PID1: variants seen among roughly 807,000 people sequenced by gnomAD.
The protein encoded by PID1 is phosphotyrosine interaction domain containing 1.
PID1 carries 10 observed loss-of-function variants against 19.1 expected under a neutral mutation model. The observed-to-expected ratio is 0.52, with a 90% CI of 0.32 to 0.89. The LOEUF (loss-of-function observed/expected upper bound fraction) is 0.89, where lower values mean the gene tolerates loss of function less well. Among genes scored for constraint, PID1 ranks in the 40% least tolerant of loss-of-function variants. PID1 has a pLI of 0.03. For missense variants in PID1, 248 were observed against 285.3 expected, an observed-to-expected ratio of 0.87 and a Z score of 0.94; for synonymous variants, 130 against 116.0, an observed-to-expected ratio of 1.12 and a Z score of -0.78.
chr2:229,184,848 G>A (rs201639827), intron 1 of PID1, among the ~76,000 whole-genome samples: 12 of 1,158 alleles, frequency 0.01, no homozygotes, highest in Non-Finnish European at 0.017. Flanking sequence ...TATATATCCC[G>A]TATATATATC....
intron 2 of PID1, among the ~76,000 whole-genome samples, chr2:229,071,961 T>C (rs1322933820): frequency 6.6e-6 from 1 of 152,242 alleles, no homozygotes; most frequent in African/African-American, 2.4e-5. Flanking sequence ...ACAGACATAA[T>C]ATAGAAATTT....
intron 1 of PID1, among the ~76,000 whole-genome samples, chr2:229,187,495 C>A (rs6704804): frequency 0.89 from 135,109 of 151,808 alleles, 60,261 homozygotes; most frequent in African/African-American, 0.94. Context: ...GTGCAGGAAA[C>A]CCCCCCCTTA....
chr2:229,029,085 T>C (rs2106163170), intron 2 of PID1, among the ~76,000 whole-genome samples: 1 of 149,248 alleles, frequency 6.7e-6, no homozygotes, highest in East Asian at 2.0e-4. Context: ...AGGGGGAGGG[T>C]TGCGGGGGTG....
At chr2:229,260,169 A>G (rs1690417605) in intron 1 of PID1, among the ~76,000 whole-genome samples, 1 of 152,170 alleles carries the variant, frequency 6.6e-6, no homozygotes, top group South Asian at 2.1e-4. Flanking sequence ...TAAAACATGT[A>G]TACTCTGACT....
intron 2 of PID1, among the ~76,000 whole-genome samples, chr2:229,080,839 G>A (rs778870340): frequency 6.6e-6 from 1 of 152,138 alleles, no homozygotes; most frequent in Non-Finnish European, 1.5e-5. Context: ...TCTCATGCAC[G>A]AATGCCTGAT....
intron 2 of PID1, among the ~76,000 whole-genome samples, chr2:229,072,558 A>C (rs1351836171): frequency 6.6e-6 from 1 of 151,948 alleles, no homozygotes; most frequent in East Asian, 1.9e-4. Context: ...ACATCGCTCC[A>C]GCCTGGGCGA....
At chr2:229,039,614 G>A (rs1693727230) in intron 2 of PID1, among the ~76,000 whole-genome samples, 1 of 152,132 alleles carries the variant, frequency 6.6e-6, no homozygotes, top group Non-Finnish European at 1.5e-5. Context: ...GAAATCCCTA[G>A]ATTATCTCTT....
intron 2 of PID1, among the ~76,000 whole-genome samples, chr2:229,075,508 T>C (rs986240608): frequency 1.3e-5 from 2 of 152,172 alleles, no homozygotes; most frequent in African/African-American, 2.4e-5. Context: ...CAACTTTATA[T>C]GTTTGGATTT....
intron 1 of PID1, among the ~76,000 whole-genome samples, chr2:229,211,436 A>C (rs1188542450): frequency 1.3e-5 from 2 of 152,150 alleles, no homozygotes; most frequent in Non-Finnish European, 2.9e-5. Context: ...TGAATGAAAA[A>C]TCTTTATTTG....
chr2:229,130,591 G>A (rs553393721), intron 2 of PID1, among the ~76,000 whole-genome samples: 3 of 152,212 alleles, frequency 2.0e-5, no homozygotes, highest in African/African-American at 4.8e-5. Flanking sequence ...CATGGGTCTA[G>A]TTGAAGCTGG....
intron 2 of PID1, among the ~76,000 whole-genome samples, chr2:229,141,039 A>G (rs1460387734): frequency 6.6e-6 from 1 of 150,736 alleles, no homozygotes; most frequent in Non-Finnish European, 1.5e-5. Context: ...TCTTTGTCTC[A>G]GACTGACTCT....
chr2:229,200,334 G>C (rs1383642376), intron 1 of PID1, among the ~76,000 whole-genome samples: 1 of 151,922 alleles, frequency 6.6e-6, no homozygotes, highest in Non-Finnish European at 1.5e-5. Context: ...TTGCTTGGGG[G>C]GAGTGCATCC....
At chr2:229,215,671 AAAAC>A in intron 1 of PID1, among the ~76,000 whole-genome samples, 1 of 152,316 alleles carries the variant, frequency 6.6e-6, no homozygotes, top group Non-Finnish European at 1.5e-5. Flanking sequence ...CTTGACTCCA[AAAAC>A]AAACAGTGTT....
rs147665529 is a variant in PID1, at chr2:229,180,261, A to C, written c.31-24297T>G. Among the ~76,000 whole-genome samples the C allele has an allele frequency of 5.3e-3, 802 of 152,330 alleles. 6 individuals are homozygous for C. Among genetic ancestry groups the C allele is most frequent in the Middle Eastern group, 0.031 (9 of 294 alleles). ...CTCATCAAAGATTAAATTATGTCCTACATAATTTTAAGTGTTATAAATATT... is the reference window on the plus strand; with the variant it reads ...CTCATCAAAGATTAAATTATGTCCTCCATAATTTTAAGTGTTATAAATATT... On this transcript the variant is annotated intron_variant, in intron 1 of 2. Coordinates refer to ENST00000392055, the MANE Select transcript of PID1 (RefSeq NM_001100818.2).
At chr2:229,186,799 T>A (rs1691142746) in intron 1 of PID1, among the ~76,000 whole-genome samples, 1 of 152,192 alleles carries the variant, frequency 6.6e-6, no homozygotes, top group African/African-American at 2.4e-5. Context: ...AGCTTGGATT[T>A]CTCCTCAGAA....
At chr2:229,124,897 C>G (rs1233885289) in intron 2 of PID1, among the ~76,000 whole-genome samples, 1 of 152,184 alleles carries the variant, frequency 6.6e-6, no homozygotes, top group African/African-American at 2.4e-5. Flanking sequence ...CTATTCTGAG[C>G]TACAATTCTA....
At chr2:229,104,226 T>C (rs1311435018) in intron 2 of PID1, among the ~76,000 whole-genome samples, 2 of 152,194 alleles carry the variant, frequency 1.3e-5, no homozygotes, top group Non-Finnish European at 1.5e-5. Flanking sequence ...CAGACAACCT[T>C]TCACCTAAAT....
intron 1 of PID1, among the ~76,000 whole-genome samples, chr2:229,156,686 G>A (rs2396616): frequency 0.31 from 46,630 of 151,742 alleles, 7,953 homozygotes; most frequent in East Asian, 0.69. Flanking sequence ...TTGCCCCACC[G>A]TCACCAGAGA....
chr2:229,069,180 A>T (rs758919), intron 2 of PID1, among the ~76,000 whole-genome samples: 2,672 of 27,752 alleles, frequency 0.096, 42 homozygotes, highest in African/African-American at 0.19. Context: ...TGTGTGTGTG[A>T]GATGAGGGAG....
Sources: gnomAD v4.1 joint callset for allele counts (sites outside exome capture counted in the v4.1 genomes callset) on GRCh38, gnomAD v4.1.1 for gene constraint, MANE v1.5 for transcripts, NCBI Gene and HGNC (gene_info 2026-07-23, HGNC 2026-07-21) for gene names.